Variants in FLT3 observed in about 807,000 individuals in gnomAD.
FLT3 encodes fms related receptor tyrosine kinase 3.
Under a neutral mutation model 126.6 loss-of-function variants are expected in FLT3, and 46 were observed. That is an observed-to-expected ratio of 0.36 (90% confidence interval 0.29 to 0.46). FLT3 has a LOEUF of 0.46. Ranked by LOEUF, FLT3 falls within the 20% of genes least tolerant of loss-of-function variation. The pLI is 1.00. For synonymous variants in FLT3, 404 were observed against 434.4 expected, an observed-to-expected ratio of 0.93 and a Z score of 0.87; for missense variants, 1,069 against 1,190.3, an observed-to-expected ratio of 0.90 and a Z score of 1.50.
rs763475567 is a variant in FLT3, at chr13:28,052,586, C to T, written c.573G>A (p.Glu191=). Residue 191 remains glutamate, a synonymous_variant, in exon 5 of 24, where the codon GAG becomes GAA. Coordinates refer to ENST00000241453, the MANE Select transcript of FLT3 (RefSeq NM_004119.3). ...CGCAAAGCACCCATTCCACGATCGG[C>T]TCTGGAACGCTCTCAGATATGCAGA... The part of the protein sequence containing the change: ...ALVCISESVP[E]PIVEWVLCDS... 4 of 1,613,936 alleles carry T rather than the reference C, an allele frequency of 2.5e-6. No homozygotes were observed. The highest frequency in any genetic ancestry group is 8.5e-7 in the Non-Finnish European group (1 of 1,179,866).
At chr13:28,016,406 G>A (rs1403184504) in intron 20 of FLT3, among the ~76,000 whole-genome samples, 3 of 152,114 alleles carry the variant, frequency 2.0e-5, no homozygotes, top group Non-Finnish European at 4.4e-5. Context: ...GAGTAGCTGG[G>A]ATTACAGGTA....
rs113854027 is a variant in FLT3 at position 28,012,350 on chromosome 13, AAGG to A, written c.2859+2099_2859+2101del. Among the ~76,000 whole-genome samples, 1,368 of 152,228 alleles carry A rather than the reference AAGG, an allele frequency of 9.0e-3. 19 individuals carry two copies. The highest frequency in any genetic ancestry group is 0.03 in the African/African-American group (1,258 of 41,528). ...ACATCCTGTGAGTATGGGGACAGGA[AAGG>A]AGAAGCTCAAACCAAGACCCAAGTG... On this transcript the variant is annotated intron_variant, in intron 23 of 23. Transcript: ENST00000241453.
At chr13:28,013,615 G>A (rs748676610) in intron 23 of FLT3, among the ~76,000 whole-genome samples, 7 of 152,180 alleles carry the variant, frequency 4.6e-5, no homozygotes, top group Admixed American at 6.5e-5. Flanking sequence ...AGTCCTCAAA[G>A]CTCAAAAGAT....
At chr13:28,043,884 G>A (rs1874606894) in intron 9 of FLT3, among the ~76,000 whole-genome samples, 4 of 151,992 alleles carry the variant, frequency 2.6e-5, no homozygotes, top group Admixed American at 2.0e-4. Flanking sequence ...GGGCAAGGCG[G>A]GCAGATCACG....
Position 28,050,196 on chromosome 13 carries a change from A to C in FLT3, c.641T>G (p.Val214Gly). Residue 214 changes from valine (V) to glycine (G), a missense_variant, in exon 6 of 24, where the codon GTT becomes GGT. Coordinates refer to ENST00000241453, the MANE Select transcript of FLT3 (RefSeq NM_004119.3). ...ATGAAGCACTTTTTCCTCCTTTTTAACAACAGCTGGACTTTCTTCTTTACA... is the reference window on the plus strand; with the variant it reads ...ATGAAGCACTTTTTCCTCCTTTTTACCAACAGCTGGACTTTCTTCTTTACA... ...ESCKEESPAV[V>G]KKEEKVLHEL... 1.2e-6 allele frequency: 2 copies of C among 1,614,110 alleles called. No homozygotes were observed. Among genetic ancestry groups the C allele is most frequent in the Non-Finnish European group, 1.7e-6 (2 of 1,179,962 alleles).
At chr13:28,055,103 T>C (rs1875891931) in intron 4 of FLT3, among the ~76,000 whole-genome samples, 1 of 152,228 alleles carries the variant, frequency 6.6e-6, no homozygotes, top group Admixed American at 6.5e-5. Flanking sequence ...AATTGGTTCT[T>C]ATCATATCCT....
intron 12 of FLT3, 55 bp downstream of exon 12, chr13:28,035,440 T>A: frequency 6.5e-7 from 1 of 1,535,876 alleles, no homozygotes; most frequent in South Asian, 1.2e-5. Flanking sequence ...CGATGGGGAC[T>A]AACTTCTAGT....
chr13:28,064,278 T>C (rs1295378171), intron 2 of FLT3, among the ~76,000 whole-genome samples: 1 of 152,008 alleles, frequency 6.6e-6, no homozygotes, highest in African/African-American at 2.4e-5. Context: ...AAAAAAGATA[T>C]AAAGAATGGC....
At chr13:28,063,462 G>A (rs1472781965) in intron 2 of FLT3, among the ~76,000 whole-genome samples, 1 of 152,086 alleles carries the variant, frequency 6.6e-6, no homozygotes, top group African/African-American at 2.4e-5. Context: ...CCTGGGGGAC[G>A]GAGTCAGACT....
At chr13:28,035,059 T>C (rs975076693) in intron 12 of FLT3, among the ~76,000 whole-genome samples, 5 of 152,138 alleles carry the variant, frequency 3.3e-5, no homozygotes, top group Admixed American at 2.0e-4. Context: ...TTTTGTGAGG[T>C]TGGTGATCCT....
chr13:28,100,491 T>C lies in FLT3; in HGVS notation c.20A>G (p.Asp7Gly), dbSNP rs12872889. 315,534 of 1,215,602 alleles carry C rather than the reference T, an allele frequency of 0.26. 45,415 individuals are homozygous for C. Among genetic ancestry groups the C allele is most frequent in the African/African-American group, 0.6 (38,078 of 63,560 alleles). 75.3% of individuals were successfully genotyped at this position (1,215,602 alleles called of 1,614,324 possible). Residue 7 changes from aspartate (D) to glycine (G), a missense_variant, in exon 1 of 24, where the codon GAC (aspartate) becomes GGC (glycine). Coordinates refer to ENST00000241453, the MANE Select transcript of FLT3 (RefSeq NM_004119.3). The surrounding 1 kb of genome is among the most constrained non-coding windows in gnomAD (Gnocchi z 4.8). MPALARDGGQLPLLVVF... is the reference protein window; with the variant it reads MPALARGGGQLPLLVVF... ...ACCGAGCAGCGGCAGCTGGCCGCCGTCGCGCGCCAACGCCGGCATGGCCTC... is the reference window on the plus strand; with the variant it reads ...ACCGAGCAGCGGCAGCTGGCCGCCGCCGCGCGCCAACGCCGGCATGGCCTC...
chr13:28,074,721 G>T (rs915112824), intron 1 of FLT3, among the ~76,000 whole-genome samples: 1 of 152,040 alleles, frequency 6.6e-6, no homozygotes, highest in African/African-American at 2.4e-5. Context: ...GCTCACTGCG[G>T]CCTTGACCTC....
intron 9 of FLT3, among the ~76,000 whole-genome samples, chr13:28,039,637 C>T (rs1874168633): frequency 1.3e-5 from 2 of 151,064 alleles, no homozygotes; most frequent in African/African-American, 4.9e-5. Context: ...CAACCTCTGC[C>T]TCCTGGGTTC....
chr13:28,004,699 T>A (rs1302802208), intron 23 of FLT3, among the ~76,000 whole-genome samples: 1 of 152,196 alleles, frequency 6.6e-6, no homozygotes, highest in Non-Finnish European at 1.5e-5. Context: ...TATGCATAGG[T>A]CTCAGAGGAT....
chr13:28,055,009 T>G (rs1424273552), intron 4 of FLT3, among the ~76,000 whole-genome samples: 1 of 152,252 alleles, frequency 6.6e-6, no homozygotes, highest in African/African-American at 2.4e-5. Context: ...ATATTATGAC[T>G]ATTAATCCTT....
intron 5 of FLT3, among the ~76,000 whole-genome samples, chr13:28,052,134 G>T (rs1875554766): frequency 6.6e-6 from 1 of 150,626 alleles, no homozygotes; most frequent in South Asian, 2.1e-4. Context: ...CGCTCTTGTT[G>T]CCCAGGCTGG....
chr13:28,018,434 C>A (rs368721559), intron 20 of FLT3, 33 bp downstream of exon 20: 1 of 1,610,976 alleles, frequency 6.2e-7, no homozygotes, highest in South Asian at 1.1e-5. Context: ...ACAAAATAGC[C>A]GTATAAAAAT....
chr13:28,075,760 A>C (rs1877886549), intron 1 of FLT3, among the ~76,000 whole-genome samples: 1 of 149,720 alleles, frequency 6.7e-6, no homozygotes, highest in East Asian at 2.0e-4. Flanking sequence ...TCATGTATTT[A>C]TTTTTTCATG....
intron 1 of FLT3, among the ~76,000 whole-genome samples, chr13:28,078,091 A>G (rs1447958653): frequency 6.6e-6 from 1 of 152,134 alleles, no homozygotes; most frequent in Admixed American, 6.5e-5. Flanking sequence ...TTGTGTCTGC[A>G]GCTTTTCCAG....
Sources: allele counts gnomAD v4.1 joint callset (sites outside exome capture counted in the v4.1 genomes callset), GRCh38; gene constraint gnomAD v4.1.1; non-coding constraint Gnocchi (gnomAD v3.1); transcripts MANE v1.5; gene names NCBI Gene and HGNC (gene_info 2026-07-23, HGNC 2026-07-21).